Variants in CITED2 observed in about 807,000 individuals in gnomAD.
CITED2 encodes Cbp/p300 interacting transactivator with ED-rich tail 2.
Under a neutral mutation model 11.8 loss-of-function variants are expected in CITED2, and 2 were observed. The ratio of observed to expected loss-of-function variants is 0.17; its 90% CI spans 0.07 to 0.54. The LOEUF (loss-of-function observed/expected upper bound fraction) is 0.54. CITED2 is among the 20% of genes least tolerant of loss of function. The pLI, the probability that CITED2 is intolerant of heterozygous loss-of-function variation, is 0.94. For missense variants in CITED2, 437 were observed against 390.2 expected (o/e 1.12, Z -1.01); for synonymous variants, 210 against 153.0 (o/e 1.37, Z -2.75).
Position 139,374,366 on chromosome 6 carries a change from G to A in CITED2, c.-9+47C>T, listed in dbSNP as rs1299288152. Reference sequence around the variant, plus strand: ...CCTCCGGGCAAACCCTGCCCTCGGAGGACTGGGCTGGCAAGAGCCCCAGCC... The same window carrying A: ...CCTCCGGGCAAACCCTGCCCTCGGAAGACTGGGCTGGCAAGAGCCCCAGCC... On this transcript the variant is annotated intron_variant, in intron 1 of 1. Coordinates refer to ENST00000367651, the MANE Select transcript of CITED2 (RefSeq NM_006079.5). 1.1e-5 allele frequency: 6 copies of A among 544,280 alleles called. No individual in the cohort carries two copies. The East Asian group carries it at 1.2e-4, about 11-fold the overall frequency. The allele number at this position is 544,280 out of a possible 1,614,324, so 33.7% of individuals were successfully genotyped here. A position where few individuals can be genotyped will look rare whatever the true frequency, so the allele number is the denominator to read the frequency against.
In CITED2 at chr6:139,373,128, C is replaced by G. The variant is rs1338279196; in HGVS notation, c.*4G>C. The G allele has an allele frequency of 1.2e-6, 2 of 1,613,542 alleles. No homozygotes were observed. Among genetic ancestry groups the G allele is most frequent in the African/African-American group, 1.3e-5 (1 of 74,910 alleles). ...TGATTTCTTTCGCCGGGGTTTCGAT[C>G]GAGTCAACAGCTCACTCTGCTGGGC... On this transcript the variant is annotated 3_prime_UTR_variant, in exon 2 of 2. Transcript: ENST00000367651.
At position 139,373,770 on chromosome 6, in the gene CITED2, C is replaced by T. The variant is rs903207736; in HGVS notation, c.175G>A (p.Gly59Ser). 6.2e-7 allele frequency: 1 copy of T among 1,610,826 alleles called. No homozygotes were observed. The highest frequency in any genetic ancestry group is 1.7e-4 in the Middle Eastern group (1 of 6,028). Residue 59 changes from glycine to serine, a missense_variant, in exon 2 of 2, where the codon GGC (glycine) becomes AGC (serine). Transcript: ENST00000367651. ...NALMGEHIHY[G>S]AGNMNATSGI... ...CTCGTGGCATTCATGTTGCCCGCGCCGTAGTGTATGTGCTCGCCCATTAGG... is the reference window on the plus strand; with the variant it reads ...CTCGTGGCATTCATGTTGCCCGCGCTGTAGTGTATGTGCTCGCCCATTAGG...
In CITED2 at chr6:139,373,514, T is replaced by C. The variant is rs12192712; in HGVS notation, c.431A>G (p.His144Arg). The part of the protein sequence containing the change: ...YMPDLHPAAG[H>R]QMNGTNQHFR... ...GTGCTGGTTTGTCCCGTTCATCTGG[T>C]GGCCTGCAGCAGGGTGCAAATCCGG... The change falls in exon 2 of 2, where the codon CAC becomes CGC. Residue 144 changes from histidine (H) to arginine (R), a missense_variant. Transcript: ENST00000367651. 6.2e-7 allele frequency: 1 copy of C among 1,613,582 alleles called. No homozygotes were observed. The highest frequency in any genetic ancestry group is 8.5e-7 in the Non-Finnish European group (1 of 1,179,678).
rs534681734 is a variant in CITED2, at chr6:139,373,721, G to A, written c.224C>T (p.Pro75Leu). Residue 75 changes from proline (P) to leucine (L), a missense_variant, in exon 2 of 2, where the codon CCG becomes CTG. Coordinates refer to ENST00000367651, the MANE Select transcript of CITED2 (RefSeq NM_006079.5). ...ATSGIRHAMG[P>L]GTVNGGHPPS... ...GGGGTGCCCTCCGTTCACAGTCCCC[G>A]GCCCCATCGCATGCCTGATGCCGCT... The A allele has an allele frequency of 1.2e-6, 2 of 1,610,922 alleles. No homozygotes were observed. The highest frequency in any genetic ancestry group is 1.7e-6 in the Non-Finnish European group (2 of 1,179,840).
rs146180399 is a variant in CITED2, at chr6:139,373,341, G to T, written c.604C>A (p.Pro202Thr). ...SGGGSGSGNMPASVAHVPAAM... is the reference protein window; with the variant it reads ...SGGGSGSGNMTASVAHVPAAM... The stretch of plus-strand genomic sequence containing the variant: ...GCGGGGACGTGGGCCACGGAGGCGG[G>T]CATGTTGCCGCTGCCGCTGCCGCCG... The change falls in exon 2 of 2, where the codon CCC becomes ACC. Residue 202 changes from proline (P) to threonine (T), a missense_variant. Transcript: ENST00000367651. 1.0e-4 allele frequency: 167 copies of T among 1,600,008 alleles called. No homozygotes were observed. In the African/African-American group the frequency reaches 1.8e-3, roughly 17 times the overall value.
Position 139,373,756 on chromosome 6 carries a change from C to A in CITED2, c.189G>T (p.Met63Ile). The change falls in exon 2 of 2, where the codon ATG (methionine) becomes ATT (isoleucine). Residue 63 changes from methionine to isoleucine, a missense_variant. Transcript: ENST00000367651. ...CATGCCTGATGCCGCTCGTGGCATT[C>A]ATGTTGCCCGCGCCGTAGTGTATGT... ...GEHIHYGAGN[M>I]NATSGIRHAM... 1 of 1,610,208 alleles carries A rather than the reference C, an allele frequency of 6.2e-7. No homozygotes were observed. The highest frequency in any genetic ancestry group is 8.5e-7 in the Non-Finnish European group (1 of 1,179,722).
In CITED2 at chr6:139,373,735, C is replaced by T. The variant is rs1199537939; in HGVS notation, c.210G>A (p.Arg70=). ...TCACAGTCCCCGGCCCCATCGCATG[C>T]CTGATGCCGCTCGTGGCATTCATGT... is the stretch of plus-strand genomic sequence containing the variant. ...AGNMNATSGI[R]HAMGPGTVNG... is the part of the protein sequence containing the mutation. The change falls in exon 2 of 2, where the codon AGG becomes AGA. Residue 70 remains arginine (R), a synonymous_variant. Coordinates refer to ENST00000367651, the MANE Select transcript of CITED2 (RefSeq NM_006079.5). 8 of 1,610,530 alleles carry T rather than the reference C, an allele frequency of 5.0e-6. No homozygotes were observed. The highest frequency in any genetic ancestry group is 6.8e-6 in the Non-Finnish European group (8 of 1,179,790).
intron 1 of CITED2, chr6:139,374,203 C>T (rs1778329424): frequency 7.0e-7 from 1 of 1,438,374 alleles, no homozygotes; most frequent in South Asian, 1.4e-5. Flanking sequence ...CCCGAGCCCA[C>T]ACCCCCTTTG....
rs1008252451 is a variant in CITED2, at chr6:139,373,783, C to A, written c.162G>T (p.Glu54Asp). Residue 54 changes from glutamate to aspartate, a missense_variant, in exon 2 of 2, where the codon GAG becomes GAT. Physicochemically the swap from Glu to Asp is conservative, Grantham distance 45. Transcript: ENST00000367651. ...TGTTGCCCGCGCCGTAGTGTATGTG[C>A]TCGCCCATTAGGGCGTTGAAGGCGT... ...PQHAFNALMG[E>D]HIHYGAGNMN... 1.2e-6 allele frequency: 2 copies of A among 1,610,510 alleles called. No individual in the cohort carries two copies. Among genetic ancestry groups the A allele is most frequent in the African/African-American group, 2.7e-5 (2 of 74,908 alleles).
rs1451711069 is a variant in CITED2, at chr6:139,372,489, A to G, written c.*643T>C. On this transcript the variant is annotated 3_prime_UTR_variant, in exon 2 of 2. Coordinates refer to ENST00000367651, the MANE Select transcript of CITED2 (RefSeq NM_006079.5). ...TGCCACTGACGACATTCCACACCCT[A>G]TTATCATCTGTACATATGGGGGTGG... 8.3e-6 allele frequency: 1 copy of G among 120,640 alleles called. No individual in the cohort carries two copies. The highest frequency in any genetic ancestry group is 1.6e-5 in the Non-Finnish European group (1 of 62,862). The allele number at this position is 120,640 out of a possible 1,614,324, so 7.5% of individuals were successfully genotyped here. A position where few individuals can be genotyped will look rare whatever the true frequency, so the allele number is the denominator to read the frequency against.
Position 139,373,276 on chromosome 6 carries a change from G to A in CITED2, c.669C>T (p.Ile223=). 6.2e-7 allele frequency: 1 copy of A among 1,614,032 alleles called. No homozygotes were observed. The highest frequency in any genetic ancestry group is 8.5e-7 in the Non-Finnish European group (1 of 1,180,016). Residue 223 remains isoleucine, a synonymous_variant, in exon 2 of 2, where the codon ATC becomes ATT. Transcript: ENST00000367651. ...CCAAGGACATAAGAACTTCCTCGTC[G>A]ATGAAATCAGTGTCTATGACATTGG... is the stretch of plus-strand genomic sequence containing the variant. The part of the protein sequence containing the change: ...LPPNVIDTDF[I]DEEVLMSLVI...
In CITED2 at chr6:139,373,292, A is replaced by G; in HGVS notation, c.653T>C (p.Ile218Thr). 6.2e-7 allele frequency: 1 copy of G among 1,613,850 alleles called. No homozygotes were observed. Among genetic ancestry groups the G allele is most frequent in the Non-Finnish European group, 8.5e-7 (1 of 1,180,016 alleles). The change falls in exon 2 of 2, where the codon ATA (isoleucine) becomes ACA (threonine). Residue 218 changes from isoleucine (I) to threonine (T), a missense_variant. By Grantham distance (89) the Ile-to-Thr change is moderately conservative. Transcript: ENST00000367651. ...VPAAMLPPNV[I>T]DTDFIDEEVL... ...TTCCTCGTCGATGAAATCAGTGTCT[A>G]TGACATTGGGCGGCAGCATTGCAGC... is the stretch of plus-strand genomic sequence containing the variant.
chr6:139,373,828 G>C lies in CITED2; in HGVS notation c.117C>G (p.His39Gln), dbSNP rs765589876. Reference protein sequence around the residue: ...GMGQFPSPHHHQQQQPQHAFN... With the variant: ...GMGQFPSPHHQQQQQPQHAFN... ...AGGCGTGCTGGGGCTGCTGCTGCTG[G>C]TGGTGATGGGGGCTCGGGAACTGCC... Residue 39 changes from histidine to glutamine, a missense_variant, in exon 2 of 2, where the codon CAC becomes CAG. By Grantham distance (24) the His-to-Gln change is conservative. This residue lies in a region of CITED2 where 396 missense variants were observed against 325.2 expected (regional missense o/e 1.22). Coordinates refer to ENST00000367651, the MANE Select transcript of CITED2 (RefSeq NM_006079.5). The C allele has an allele frequency of 5.9e-5, 95 of 1,600,010 alleles. No homozygotes were observed. Among genetic ancestry groups the C allele is most frequent in the Non-Finnish European group, 7.9e-5 (93 of 1,172,936 alleles).
chr6:139,374,227 C>T (rs975644585), intron 1 of CITED2, 186 bp downstream of exon 1: 8 of 1,425,268 alleles, frequency 5.6e-6, no homozygotes, highest in East Asian at 2.5e-5. Context: ...CCCGAAGTGG[C>T]CTAATAAAGG....
rs1778273436 is a variant in CITED2, at chr6:139,372,750, G to A, written c.*382C>T. The A allele has an allele frequency of 4.0e-6, 1 of 250,978 alleles. No individual in the cohort carries two copies. The highest frequency in any genetic ancestry group is 2.2e-5 in the African/African-American group (1 of 45,366). 15.5% of individuals were successfully genotyped at this position (250,978 alleles called of 1,614,324 possible). ...TTTCCTTTCACTCGTAAATCTGAAT[G>A]CAGTTCAGTCATTTGAAACCATCTA... On this transcript the variant is annotated 3_prime_UTR_variant, in exon 2 of 2. Transcript: ENST00000367651.
In CITED2 at chr6:139,372,913, G is replaced by A. The variant is rs913119770; in HGVS notation, c.*219C>T. 2.0e-5 allele frequency: 12 copies of A among 599,856 alleles called. No homozygotes were observed. The highest frequency in any genetic ancestry group is 3.3e-5 in the Non-Finnish European group (11 of 336,530). 37.2% of individuals were successfully genotyped at this position (599,856 alleles called of 1,614,324 possible). On this transcript the variant is annotated 3_prime_UTR_variant, in exon 2 of 2. Coordinates refer to ENST00000367651, the MANE Select transcript of CITED2 (RefSeq NM_006079.5). ...TATTTCAACTACATAAGGGAGGTGG[G>A]TGAATGTCAAGGCTACAAAAACGAA...
Position 139,373,531 on chromosome 6 carries a change from C to G in CITED2, c.414G>C (p.Leu138Phe). 1 of 1,613,938 alleles carries G rather than the reference C, an allele frequency of 6.2e-7. No individual in the cohort carries two copies. Among genetic ancestry groups the G allele is most frequent in the Non-Finnish European group, 8.5e-7 (1 of 1,179,904 alleles). Residue 138 changes from leucine (L) to phenylalanine (F), a missense_variant, in exon 2 of 2, where the codon TTG (leucine) becomes TTC (phenylalanine). By Grantham distance (22) the Leu-to-Phe change is conservative (BLOSUM62 0). Transcript: ENST00000367651. The part of the protein sequence containing the change: ...PYPHNHYMPD[L>F]HPAAGHQMNG... ...TCATCTGGTGGCCTGCAGCAGGGTGCAAATCCGGCATGTAGTGGTTGTGGG... is the reference window on the plus strand; with the variant it reads ...TCATCTGGTGGCCTGCAGCAGGGTGGAAATCCGGCATGTAGTGGTTGTGGG...
At position 139,373,487 on chromosome 6, in the gene CITED2, A is replaced by C. The variant is rs773304286; in HGVS notation, c.458T>G (p.Phe153Cys). Reference protein sequence around the residue: ...GHQMNGTNQHFRDCNPKHSGG... With the variant: ...GHQMNGTNQHCRDCNPKHSGG... ...GCTGTGCTTGGGGTTGCAATCTCGG[A>C]AGTGCTGGTTTGTCCCGTTCATCTG... Residue 153 changes from phenylalanine (F) to cysteine (C), a missense_variant, in exon 2 of 2, where the codon TTC becomes TGC. Phe to Cys is a radical substitution (Grantham distance 205). Coordinates refer to ENST00000367651, the MANE Select transcript of CITED2 (RefSeq NM_006079.5). 2 of 1,606,672 alleles carry C rather than the reference A, an allele frequency of 1.2e-6. No individual in the cohort carries two copies. Among genetic ancestry groups the C allele is most frequent in the Admixed American group, 3.4e-5 (2 of 59,432 alleles).
Position 139,373,950 on chromosome 6 carries a change from G to A in CITED2, c.-6C>T, listed in dbSNP as rs201533682. ...GCCATCATATGGTCTGCCATTTCCA[G>A]TCCTGGAAGTGAAAAGGGCAGATAA... On this transcript the variant is annotated splice_region_variant and 5_prime_UTR_variant, in exon 2 of 2. Coordinates refer to ENST00000367651, the MANE Select transcript of CITED2 (RefSeq NM_006079.5). The A allele has an allele frequency of 1.2e-5, 19 of 1,597,526 alleles. No individual in the cohort carries two copies. Among genetic ancestry groups the A allele is most frequent in the African/African-American group, 4.0e-5 (3 of 74,796 alleles).
Sources: gnomAD v4.1 joint callset for allele counts on GRCh38, gnomAD v4.1.1 for gene constraint, gnomAD v4.1.1 regional missense constraint, MANE v1.5 for transcripts, NCBI Gene and HGNC (gene_info 2026-07-23, HGNC 2026-07-21) for gene names.